The following PHF14 variants were observed in gnomAD, a reference collection of about 807,000 sequenced individuals.
PHF14 encodes the protein PHD finger protein 14.
PHF14 carries 55 observed loss-of-function variants against 117.9 expected under a neutral mutation model. The observed-to-expected ratio is 0.47, with a 90% CI of 0.38 to 0.58. PHF14 has a LOEUF of 0.58. PHF14 is among the 20% of genes least tolerant of loss of function. The pLI, the probability that PHF14 is intolerant of heterozygous loss-of-function variation, is 0.00. For missense variants in PHF14, 978 were observed against 1,122.2 expected, an observed-to-expected ratio of 0.87 and a Z score of 1.84; for synonymous variants, 409 against 368.6, an observed-to-expected ratio of 1.11 and a Z score of -1.26.
At chr7:11,040,849 C>T in intron 12 of PHF14, 74 bp downstream of exon 12, 1 of 674,024 alleles carries the variant, frequency 1.5e-6, no homozygotes, top group Admixed American at 3.7e-5. Flanking sequence ...GAAAGAAGAT[C>T]CTGCAAATAT....
At chr7:11,077,023 A>G (rs907710669) in intron 16 of PHF14, among the ~76,000 whole-genome samples, 12 of 151,816 alleles carry the variant, frequency 7.9e-5, no homozygotes, top group Non-Finnish European at 1.6e-4. Context: ...GTCATGTTTA[A>G]TTCATATATA....
intron 7 of PHF14, among the ~76,000 whole-genome samples, chr7:11,033,710 A>C (rs1400310077): frequency 6.6e-6 from 1 of 152,220 alleles, no homozygotes; most frequent in Non-Finnish European, 1.5e-5. Flanking sequence ...CTATGCAAGC[A>C]TGAATCCTAT....
chr7:11,135,385 A>G (rs1377947060), intron 17 of PHF14, among the ~76,000 whole-genome samples: 1 of 152,140 alleles, frequency 6.6e-6, no homozygotes, highest in Non-Finnish European at 1.5e-5. Flanking sequence ...GGTTTTCATT[A>G]AGATAAAGGT....
At chr7:11,013,616 A>G (rs1270537642) in intron 4 of PHF14, 131 bp from the exon 5 acceptor site, 2 of 511,610 alleles carry the variant, frequency 3.9e-6, no homozygotes, top group Admixed American at 3.4e-5. Flanking sequence ...CTGTATTTTA[A>G]TACGTTTCTT....
At chr7:11,104,825 C>A (rs1787206429) in intron 16 of PHF14, 3 of 768,914 alleles carry the variant, frequency 3.9e-6, no homozygotes, top group Non-Finnish European at 4.7e-6. Context: ...CCAGCTGATG[C>A]TGATGCTACT....
At chr7:11,023,367 C>T (rs936010647) in intron 6 of PHF14, among the ~76,000 whole-genome samples, 5 of 152,132 alleles carry the variant, frequency 3.3e-5, no homozygotes, top group Non-Finnish European at 5.9e-5. Context: ...ATCTTTGATG[C>T]TGTTACTGTA....
chr7:11,150,597 GCTTA>G (rs1202129119), intron 17 of PHF14, among the ~76,000 whole-genome samples: 1 of 152,032 alleles, frequency 6.6e-6, no homozygotes, highest in Non-Finnish European at 1.5e-5. Context: ...TTTAAGTAAA[GCTTA>G]CTTTAAATAA....
intron 6 of PHF14, among the ~76,000 whole-genome samples, chr7:11,028,041 T>A (rs1783984501): frequency 3.3e-5 from 5 of 152,180 alleles, no homozygotes; most frequent in Non-Finnish European, 7.4e-5. Context: ...TATGATGGGT[T>A]TACATCCTGA....
At chr7:11,100,635 C>T (rs916899759) in intron 16 of PHF14, among the ~76,000 whole-genome samples, 31 of 152,064 alleles carry the variant, frequency 2.0e-4, no homozygotes, top group African/African-American at 7.0e-4. Context: ...ATATGCCAGT[C>T]AGTGTGCTAG....
At chr7:11,057,216 G>A (rs1456521698) in intron 14 of PHF14, among the ~76,000 whole-genome samples, 1 of 152,024 alleles carries the variant, frequency 6.6e-6, no homozygotes, top group Non-Finnish European at 1.5e-5. Context: ...TAGTTCATTT[G>A]CCAAATGAAT....
chr7:11,065,801 T>C (rs374593297), intron 16 of PHF14, among the ~76,000 whole-genome samples: 1 of 152,160 alleles, frequency 6.6e-6, no homozygotes, highest in Non-Finnish European at 1.5e-5. Flanking sequence ...CTTAACTTTA[T>C]AGACTCAATG....
At chr7:11,053,082 T>C (rs1048747294) in intron 14 of PHF14, among the ~76,000 whole-genome samples, 23 of 152,164 alleles carry the variant, frequency 1.5e-4, no homozygotes, top group Non-Finnish European at 3.2e-4. Flanking sequence ...ACAAGGGAGA[T>C]ACAAAGATAT....
chr7:11,169,355 A>T (rs546098108), intron 17 of PHF14, 61 bp from the exon 18 acceptor site: 2 of 740,990 alleles, frequency 2.7e-6, no homozygotes, highest in African/African-American at 3.7e-5. Context: ...AAATCTGTCA[A>T]GTATAGCTGA....
intron 16 of PHF14, among the ~76,000 whole-genome samples, chr7:11,092,514 A>G (rs1404757248): frequency 6.6e-6 from 1 of 151,752 alleles, no homozygotes; most frequent in African/African-American, 2.4e-5. Context: ...AAGGAATTAC[A>G]GAAAAATAAG....
intron 16 of PHF14, chr7:11,102,852 T>C (rs1787138376): frequency 8.4e-7 from 1 of 1,184,024 alleles, no homozygotes; most frequent in Non-Finnish European, 1.1e-6. Flanking sequence ...TCGTATTAAG[T>C]AATGTCTTTC....
chr7:11,000,840 C>G (rs886616191), intron 4 of PHF14, among the ~76,000 whole-genome samples: 7 of 152,114 alleles, frequency 4.6e-5, no homozygotes, highest in Non-Finnish European at 1.0e-4. Flanking sequence ...AGGTATCTCT[C>G]ACAGAGCAGA....
At chr7:11,061,221 A>G (rs980803249) in intron 14 of PHF14, 1 of 152,168 alleles carries the variant, frequency 6.6e-6, no homozygotes, top group African/African-American at 2.4e-5. Context: ...TAGGATGTGA[A>G]TTTTAGCTAA....
intron 14 of PHF14, among the ~76,000 whole-genome samples, chr7:11,052,572 A>T (rs941167171): frequency 7.9e-5 from 12 of 152,094 alleles, no homozygotes; most frequent in African/African-American, 2.7e-4. Context: ...TGTTTTCCAA[A>T]CCAGTTCACA....
chr7:11,146,981 G>T (rs997903782), intron 17 of PHF14, among the ~76,000 whole-genome samples: 5 of 152,046 alleles, frequency 3.3e-5, no homozygotes, highest in Admixed American at 1.3e-4. Context: ...TGAGTAGCTG[G>T]GAATACAGGT....
Sources: gnomAD v4.1 joint callset for allele counts (sites outside exome capture counted in the v4.1 genomes callset) on GRCh38, gnomAD v4.1.1 for gene constraint, MANE v1.5 for transcripts, NCBI Gene and HGNC (gene_info 2026-07-23, HGNC 2026-07-21) for gene names.